GRID1: variants seen among roughly 807,000 people sequenced by gnomAD.
GRID1 encodes glutamate receptor ionotropic, delta-1.
In GRID1, 28 loss-of-function variants were observed where a neutral mutation model predicts 98.0. The ratio of observed to expected loss-of-function variants is 0.29; its 90% CI spans 0.21 to 0.39. The LOEUF (loss-of-function observed/expected upper bound fraction) is 0.39. Among genes scored for constraint, GRID1 ranks in the 10% least tolerant of loss-of-function variants. GRID1 has a pLI of 1.00. For missense variants in GRID1, 1,111 were observed against 1,340.5 expected (o/e 0.83, Z 2.67); for synonymous variants, 553 against 538.5 (o/e 1.03, Z -0.37).
At chr10:86,100,909 C>A (rs1844286878) in intron 4 of GRID1, among the ~76,000 whole-genome samples, 1 of 152,154 alleles carries the variant, frequency 6.6e-6, no homozygotes, top group South Asian at 2.1e-4. Flanking sequence ...GATGAGGCAC[C>A]TCCACCAACC....
Position 86,137,498 on chromosome 10 carries a change from G to A in GRID1, c.726+1321C>T, listed in dbSNP as rs190865029. On this transcript the variant is annotated intron_variant, in intron 4 of 15. Transcript: ENST00000327946. Reference sequence around the variant, plus strand: ...CAAGAAGCAAGAAGGGAGGGGGCCAGCGATGAGATTAGTCGATACCATCAC... The same window carrying A: ...CAAGAAGCAAGAAGGGAGGGGGCCAACGATGAGATTAGTCGATACCATCAC... Among the ~76,000 whole-genome samples, 14 of 152,334 alleles carry A rather than the reference G, an allele frequency of 9.2e-5. No individual in the cohort carries two copies. The East Asian group carries it at 2.7e-3, about 29-fold the overall frequency.
chr10:85,930,924 C>T (rs1410646679), intron 4 of GRID1, among the ~76,000 whole-genome samples: 1 of 152,104 alleles, frequency 6.6e-6, no homozygotes, highest in East Asian at 1.9e-4. Flanking sequence ...TCACTTCAGC[C>T]TTGACCTCCG....
intron 4 of GRID1, among the ~76,000 whole-genome samples, chr10:86,097,435 C>T (rs1589370089): frequency 6.6e-6 from 1 of 152,262 alleles, no homozygotes; most frequent in South Asian, 2.1e-4. Flanking sequence ...CTTTTATCCC[C>T]TCTCATCTAT....
chr10:85,917,383 C>A (rs1434562242), intron 4 of GRID1, among the ~76,000 whole-genome samples: 2 of 152,072 alleles, frequency 1.3e-5, no homozygotes, highest in African/African-American at 4.8e-5. Context: ...AGTGAAAATT[C>A]CCCCTTTATC....
At chr10:86,113,909 C>G (rs1844530846) in intron 4 of GRID1, among the ~76,000 whole-genome samples, 1 of 152,224 alleles carries the variant, frequency 6.6e-6, no homozygotes, top group African/African-American at 2.4e-5. Context: ...AGGTAATTTT[C>G]TCACTTCAAG....
intron 12 of GRID1, among the ~76,000 whole-genome samples, chr10:85,678,897 T>C (rs1320667476): frequency 2.0e-5 from 3 of 152,132 alleles, no homozygotes; most frequent in Non-Finnish European, 4.4e-5. Flanking sequence ...GCAACTAAAT[T>C]TTTCTCTCAA....
intron 8 of GRID1, among the ~76,000 whole-genome samples, chr10:85,776,785 C>G (rs1024360077): frequency 6.6e-6 from 1 of 152,166 alleles, no homozygotes; most frequent in Non-Finnish European, 1.5e-5. Flanking sequence ...TAAAGTGAGG[C>G]AGGGATGAAG....
chr10:85,660,253 C>A (rs547564316), intron 12 of GRID1, among the ~76,000 whole-genome samples: 1 of 152,326 alleles, frequency 6.6e-6, no homozygotes, highest in African/African-American at 2.4e-5. Context: ...CAGGATAGAG[C>A]ATGGTCCTGT....
chr10:85,891,798 T>C (rs1269977141), intron 5 of GRID1, among the ~76,000 whole-genome samples: 1 of 152,022 alleles, frequency 6.6e-6, no homozygotes, highest in East Asian at 1.9e-4. Context: ...CACCCAACCA[T>C]GTAAAAGCAT....
At chr10:85,724,302 T>G in intron 11 of GRID1, 50 bp downstream of exon 11, 2 of 1,449,570 alleles carry the variant, frequency 1.4e-6, no homozygotes, top group Non-Finnish European at 1.9e-6. Flanking sequence ...AATGGATAAG[T>G]TCTTCCAGGC....
At chr10:85,629,908 T>C (rs1208770604) in intron 13 of GRID1, among the ~76,000 whole-genome samples, 1 of 152,214 alleles carries the variant, frequency 6.6e-6, no homozygotes, top group Non-Finnish European at 1.5e-5. Context: ...CCATTCTGAC[T>C]GGTGTAAGTG....
chr10:85,612,101 A>G (rs1429238445), intron 15 of GRID1, among the ~76,000 whole-genome samples: 1 of 152,228 alleles, frequency 6.6e-6, no homozygotes, highest in Admixed American at 6.5e-5. Context: ...AAGAGACAGC[A>G]TAAGGACAGA....
chr10:86,187,004 C>T (rs867808689), intron 3 of GRID1, among the ~76,000 whole-genome samples: 1 of 152,180 alleles, frequency 6.6e-6, no homozygotes, highest in African/African-American at 2.4e-5. Flanking sequence ...ACACTCAGTG[C>T]CTTGGTGGAC....
At chr10:85,652,466 C>G (rs1223200624) in intron 12 of GRID1, among the ~76,000 whole-genome samples, 8 of 152,124 alleles carry the variant, frequency 5.3e-5, no homozygotes, top group Admixed American at 3.9e-4. Context: ...TCTGGAAGTC[C>G]TATTATTCTT....
intron 6 of GRID1, among the ~76,000 whole-genome samples, chr10:85,857,097 C>T (rs904267185): frequency 3.3e-5 from 5 of 152,168 alleles, no homozygotes; most frequent in East Asian, 1.9e-4. Flanking sequence ...ACAGTGAGGA[C>T]GGTGGTAACA....
chr10:85,756,323 T>C (rs1186443781), intron 8 of GRID1, among the ~76,000 whole-genome samples: 1 of 152,178 alleles, frequency 6.6e-6, no homozygotes. Context: ...GCATACAACT[T>C]TTTTCTTTCC....
chr10:85,969,637 T>A (rs1842382039), intron 4 of GRID1, among the ~76,000 whole-genome samples: 1 of 152,060 alleles, frequency 6.6e-6, no homozygotes, highest in South Asian at 2.1e-4. Flanking sequence ...TTTAAAACTT[T>A]GAGATTAATG....
At chr10:85,825,903 GAAT>G (rs1268282220) in intron 8 of GRID1, among the ~76,000 whole-genome samples, 3 of 151,198 alleles carry the variant, frequency 2.0e-5, no homozygotes, top group Non-Finnish European at 4.4e-5. Context: ...AGAGAAAACA[GAAT>G]AATATTCTTC....
At chr10:85,762,261 A>T (rs1230739223) in intron 8 of GRID1, among the ~76,000 whole-genome samples, 1 of 152,186 alleles carries the variant, frequency 6.6e-6, no homozygotes, top group Admixed American at 6.5e-5. Context: ...TACTTTTCCA[A>T]ATGATCACTG....
Sources: allele counts gnomAD v4.1 joint callset (sites outside exome capture counted in the v4.1 genomes callset), GRCh38; gene constraint gnomAD v4.1.1; transcripts MANE v1.5; gene names NCBI Gene and HGNC (gene_info 2026-07-23, HGNC 2026-07-21).